Variants in DGKK observed in about 807,000 individuals in gnomAD.
DGKK encodes 142 kDa diacylglycerol kinase.
DGKK carries 35 observed loss-of-function variants against 92.2 expected under a neutral mutation model. The ratio of observed to expected loss-of-function variants is 0.38; its 90% CI spans 0.29 to 0.50. DGKK has a LOEUF of 0.50. Ranked by LOEUF, DGKK falls within the 20% of genes least tolerant of loss-of-function variation. The probability of loss-of-function intolerance (pLI) is 0.92; values close to 1 mark genes in which losing one functional copy is unlikely to be tolerated. For missense variants in DGKK, 910 were observed against 992.2 expected, an observed-to-expected ratio of 0.92 and a Z score of 1.11; for synonymous variants, 368 against 360.6, an observed-to-expected ratio of 1.02 and a Z score of -0.23.
In DGKK at chrX:50,370,702, G is replaced by A. The variant is rs1030820298; in HGVS notation, c.3613-153C>T. 4.5e-5 allele frequency among the ~76,000 whole-genome samples: 5 copies of A among 111,830 alleles called. No individual in the cohort carries two copies. The East Asian group carries it at 1.4e-3, about 31-fold the overall frequency. ...ATGAGAAACACCCCCATCACTGGTC[G>A]CATGCCCTAGGAAAGCAATTGATCC... On this transcript the variant is annotated intron_variant, in intron 26 of 27. Transcript: ENST00000611977.
intron 1 of DGKK, among the ~76,000 whole-genome samples, chrX:50,447,302 G>A (rs1192778641): frequency 3.5e-5 from 2 of 56,894 alleles, no homozygotes; most frequent in Non-Finnish European, 6.5e-5. Flanking sequence ...TAATGTCTAC[G>A]AGAAGTAGTA....
chrX:50,468,118 C>T (rs1926956595), intron 1 of DGKK, among the ~76,000 whole-genome samples: 1 of 112,073 alleles, frequency 8.9e-6, no homozygotes, highest in Non-Finnish European at 1.9e-5. Context: ...ATCTGATTCC[C>T]CTTACCTTAA....
chrX:50,445,621 T>C (rs1926286353), intron 1 of DGKK, among the ~76,000 whole-genome samples: 1 of 111,281 alleles, frequency 9.0e-6, no homozygotes, highest in African/African-American at 3.3e-5. Flanking sequence ...AGGCTCTCTA[T>C]TCTGTTCCGT....
In DGKK at chrX:50,401,099, C is replaced by A; in HGVS notation, c.1349G>T (p.Cys450Phe). Reference protein sequence around the residue: ...DCRRRFSKECCFRSHRSSVIP... With the variant: ...DCRRRFSKECFFRSHRSSVIP... Reference sequence around the variant, plus strand: ...GACTGATGAGCGATGGCTTCTGAAGCAACATTCCTTGGAAAACCGTCTCCT... The same window carrying A: ...GACTGATGAGCGATGGCTTCTGAAGAAACATTCCTTGGAAAACCGTCTCCT... The change falls in exon 8 of 28, where the codon TGC becomes TTC. Residue 450 changes from cysteine to phenylalanine, a missense_variant. By Grantham distance (205) the Cys-to-Phe change is radical (BLOSUM62 -2). Coordinates refer to ENST00000611977, the MANE Select transcript of DGKK (RefSeq NM_001013742.4). 1 of 1,201,920 alleles carries A rather than the reference C, an allele frequency of 8.3e-7. No homozygotes were observed.
chrX:50,415,730 G>A (rs1925417060), intron 4 of DGKK, among the ~76,000 whole-genome samples: 1 of 111,422 alleles, frequency 9.0e-6, no homozygotes, highest in African/African-American at 3.3e-5. Context: ...GAATGAGAAT[G>A]TCTATCCCAT....
At chrX:50,442,966 A>G (rs1460537486) in intron 1 of DGKK, among the ~76,000 whole-genome samples, 1 of 111,503 alleles carries the variant, frequency 9.0e-6, no homozygotes, top group Non-Finnish European at 1.9e-5. Context: ...CTTCTCCAAC[A>G]TGGCCACTTA....
chrX:50,460,137 G>A, intron 1 of DGKK, among the ~76,000 whole-genome samples: 1 of 111,937 alleles, frequency 8.9e-6, no homozygotes, highest in Middle Eastern at 4.6e-3. Flanking sequence ...CTGACTTCAG[G>A]ACAGTGAGGG....
At chrX:50,384,303 CAAAA>C in intron 16 of DGKK, 39 bp from the exon 17 acceptor site, 1 of 958,993 alleles carries the variant, frequency 1.0e-6, no homozygotes, top group Non-Finnish European at 1.4e-6. Flanking sequence ...CGGATACAAA[CAAAA>C]AAGCCCTTTC....
chrX:50,409,974 T>G (rs1260222648), intron 4 of DGKK, among the ~76,000 whole-genome samples: 1 of 111,802 alleles, frequency 8.9e-6, no homozygotes, highest in East Asian at 2.8e-4. Flanking sequence ...AGTCTGCCAG[T>G]GGCTTGATCT....
Position 50,371,755 on chromosome X carries a change from A to G in DGKK, c.3581T>C (p.Ile1194Thr), listed in dbSNP as rs781928499. The G allele has an allele frequency of 1.1e-5, 13 of 1,205,345 alleles. No homozygotes were observed. Among genetic ancestry groups the G allele is most frequent in the Non-Finnish European group, 1.5e-5 (13 of 892,291 alleles). Residue 1194 changes from isoleucine to threonine, a missense_variant, in exon 26 of 28, where the codon ATT (isoleucine) becomes ACT (threonine). Transcript: ENST00000611977. ...AACAAAGATTGGATTCATCCAGTCA[A>G]TCTCAGATAGCTTTTTGAACTCCTT... ...MNKEFKKLSE[I>T]DWMNPIFVPE...
chrX:50,401,598 G>A (rs1170336930), intron 7 of DGKK, among the ~76,000 whole-genome samples: 1 of 111,345 alleles, frequency 9.0e-6, no homozygotes, highest in Non-Finnish European at 1.9e-5. Flanking sequence ...TTTGCCCAAG[G>A]TCAAACAGCT....
chrX:50,379,614 G>A lies in DGKK; in HGVS notation c.2862+13C>T. ...ATGCCTTTCTTCCTCCCCATTCCTT[G>A]TTCCATACTAACCGTGGTTGCTGTG... is the stretch of plus-strand genomic sequence containing the variant. On this transcript the variant is annotated intron_variant, in intron 20 of 27. Coordinates refer to ENST00000611977, the MANE Select transcript of DGKK (RefSeq NM_001013742.4). The A allele has an allele frequency of 8.4e-7, 1 of 1,186,775 alleles. No individual in the cohort carries two copies. Among genetic ancestry groups the A allele is most frequent in the Non-Finnish European group, 1.1e-6 (1 of 873,684 alleles).
At chrX:50,463,824 G>GA (rs1434670436) in intron 1 of DGKK, among the ~76,000 whole-genome samples, 1 of 109,984 alleles carries the variant, frequency 9.1e-6, no homozygotes, top group African/African-American at 3.3e-5. Flanking sequence ...CTTGTTTTGA[G>GA]AAAAAAAGGG....
At chrX:50,379,574 G>A in intron 20 of DGKK, 53 bp downstream of exon 20, 1 of 1,005,011 alleles carries the variant, frequency 1.0e-6, no homozygotes, top group Non-Finnish European at 1.4e-6. Flanking sequence ...CCTTCAGAGA[G>A]ACCTTAGTGG....
At chrX:50,407,248 A>G (rs185601680) in intron 4 of DGKK, among the ~76,000 whole-genome samples, 1 of 112,060 alleles carries the variant, frequency 8.9e-6, no homozygotes, top group African/African-American at 3.2e-5. Flanking sequence ...GTGATAGGGA[A>G]GTGATACACT....
At chrX:50,403,466 G>A (rs1557226876) in intron 6 of DGKK, 25 bp downstream of exon 6, 1 of 1,171,945 alleles carries the variant, frequency 8.5e-7, no homozygotes, top group Non-Finnish European at 1.2e-6. Context: ...GAGGCCGACT[G>A]TGGGAAGACA....
At position 50,370,539 on chromosome X, in the gene DGKK, G is replaced by A. The variant is rs782552872; in HGVS notation, c.3623C>T (p.Ser1208Leu). The A allele has an allele frequency of 1.3e-5, 15 of 1,195,623 alleles. No individual in the cohort carries two copies. The East Asian group carries it at 4.5e-4, about 36-fold the overall frequency. Residue 1208 changes from serine to leucine, a missense_variant, in exon 27 of 28, where the codon TCG (serine) becomes TTG (leucine). Physicochemically the swap from Ser to Leu is moderately radical, Grantham distance 145 (BLOSUM62 -2). Coordinates refer to ENST00000611977, the MANE Select transcript of DGKK (RefSeq NM_001013742.4). ...CCTGAGGCTTCTACTGTCAGTGTCC[G>A]AAGATTTTTCCTGAGAAACCACAAG... Reference protein sequence around the residue: ...NPIFVPEEKSSDTDSRSLRLK... With the variant: ...NPIFVPEEKSLDTDSRSLRLK...
chrX:50,445,556 G>C (rs1557231744), intron 1 of DGKK, among the ~76,000 whole-genome samples: 1 of 111,195 alleles, frequency 9.0e-6, no homozygotes, highest in African/African-American at 3.3e-5. Flanking sequence ...CCTATTGCTT[G>C]TTTTTGTCAG....
In DGKK at chrX:50,388,526, C is replaced by G; in HGVS notation, c.2018+1G>C. On this transcript the variant is annotated splice_donor_variant, in intron 13 of 27. Coordinates refer to ENST00000611977, the MANE Select transcript of DGKK (RefSeq NM_001013742.4). LOFTEE classifies it high-confidence loss of function. The stretch of plus-strand genomic sequence containing the variant: ...AGGATGAGAGCCAAAGGAAGACTGA[C>G]CTGGTTGCGATGATCATCTCTGTGG... 2 of 1,201,358 alleles carry G rather than the reference C, an allele frequency of 1.7e-6. No individual in the cohort carries two copies. Among genetic ancestry groups the G allele is most frequent in the Non-Finnish European group, 2.3e-6 (2 of 888,248 alleles).
Sources: gnomAD v4.1 joint callset for allele counts (sites outside exome capture counted in the v4.1 genomes callset) on GRCh38, gnomAD v4.1.1 for gene constraint, MANE v1.5 for transcripts, NCBI Gene and HGNC (gene_info 2026-07-23, HGNC 2026-07-21) for gene names.